Variants in ARSJ observed in about 807,000 individuals in gnomAD.
ARSJ encodes the protein arylsulfatase J.
ARSJ carries 26 observed loss-of-function variants against 35.9 expected under a neutral mutation model. The observed-to-expected ratio is 0.72, with a 90% CI of 0.53 to 1.00. The LOEUF is 1.00. Ranked by LOEUF, ARSJ falls within the 50% of genes least tolerant of loss-of-function variation. The probability of loss-of-function intolerance (pLI) is 0.00; values close to 1 mark genes in which losing one functional copy is unlikely to be tolerated. For synonymous variants in ARSJ, 294 were observed against 267.6 expected (o/e 1.10, Z -0.96); for missense variants, 667 against 723.6 (o/e 0.92, Z 0.90).
chr4:113,936,814 C>A (rs1473464644), intron 1 of ARSJ, among the ~76,000 whole-genome samples: 2 of 151,696 alleles, frequency 1.3e-5, no homozygotes, highest in East Asian at 1.9e-4. Context: ...AATAATGAAG[C>A]AAAACATTAA....
rs551780158 is a variant in ARSJ, at chr4:113,977,752, G to A, written c.398+685C>T. Among the ~76,000 whole-genome samples, 5 of 152,348 alleles carry A rather than the reference G, an allele frequency of 3.3e-5. No individual in the cohort carries two copies. In the South Asian group the frequency reaches 1.0e-3, roughly 32 times the overall value. On this transcript the variant is annotated intron_variant, in intron 1 of 1. Coordinates refer to ENST00000315366, the MANE Select transcript of ARSJ (RefSeq NM_024590.4). ...CTTTACTTAAGCATCCAAATAGTCT[G>A]ATTTCTGTTGGTTAGTCAGAAAATT...
In ARSJ at chr4:113,916,335, C is replaced by T. The variant is rs144470746; in HGVS notation, c.399-12660G>A. On this transcript the variant is annotated intron_variant, in intron 1 of 1. Transcript: ENST00000315366. Reference sequence around the variant, plus strand: ...AGGCTGTGTAACCTTGAGCATGCCGCTCAACCTGAACCTCAGTCTTTTCAT... The same window carrying T: ...AGGCTGTGTAACCTTGAGCATGCCGTTCAACCTGAACCTCAGTCTTTTCAT... Among the ~76,000 whole-genome samples, 96 of 152,248 alleles carry T rather than the reference C, an allele frequency of 6.3e-4. 1 individual carries two copies. The East Asian group carries it at 0.017, about 27-fold the overall frequency.
chr4:113,933,076 G>A (rs2149265252), intron 1 of ARSJ, among the ~76,000 whole-genome samples: 1 of 151,826 alleles, frequency 6.6e-6, no homozygotes, highest in East Asian at 1.9e-4. Context: ...GACTATTACA[G>A]ACAACTTTAT....
At chr4:113,916,273 A>C (rs927743195) in intron 1 of ARSJ, among the ~76,000 whole-genome samples, 1 of 152,142 alleles carries the variant, frequency 6.6e-6, no homozygotes, top group Admixed American at 6.6e-5. Context: ...CCACAATATC[A>C]GAAATCAGAA....
chr4:113,968,536 C>T (rs1727036332), intron 1 of ARSJ, among the ~76,000 whole-genome samples: 1 of 151,990 alleles, frequency 6.6e-6, no homozygotes, highest in Non-Finnish European at 1.5e-5. Context: ...TGATGTCTTC[C>T]CAGAGATGAA....
chr4:113,949,333 T>TAAA (rs936549022), intron 1 of ARSJ, among the ~76,000 whole-genome samples: 1 of 151,870 alleles, frequency 6.6e-6, no homozygotes, highest in East Asian at 1.9e-4. Flanking sequence ...ACTTAAAGTA[T>TAAA]AATAATAATA....
chr4:113,933,490 AG>A (rs1724584467), intron 1 of ARSJ, among the ~76,000 whole-genome samples: 1 of 151,906 alleles, frequency 6.6e-6, no homozygotes, highest in African/African-American at 2.4e-5. Flanking sequence ...CTCATTAAAA[AG>A]GTTTTCACTA....
At chr4:113,947,861 C>T (rs962943806) in intron 1 of ARSJ, among the ~76,000 whole-genome samples, 2 of 151,888 alleles carry the variant, frequency 1.3e-5, no homozygotes, top group African/African-American at 2.4e-5. Context: ...TCTTTAATTA[C>T]GGCATTTTCA....
chr4:113,959,637 T>C (rs1255793073), intron 1 of ARSJ, among the ~76,000 whole-genome samples: 1 of 152,118 alleles, frequency 6.6e-6, no homozygotes, highest in Non-Finnish European at 1.5e-5. Context: ...AATGATCATG[T>C]GTAGCATTAA....
intron 1 of ARSJ, among the ~76,000 whole-genome samples, chr4:113,954,719 G>A (rs1157784959): frequency 6.6e-6 from 1 of 151,994 alleles, no homozygotes; most frequent in Non-Finnish European, 1.5e-5. Context: ...AGCTCACACT[G>A]GGCACTTACT....
rs959603967 is a variant in ARSJ at position 113,961,915 on chromosome 4, G to C, written c.398+16522C>G. ...TCTCTCTCTGTGTGTGTGTGTGTGT[G>C]TGTGTGTGTGTGTGTGTGTGTGTGT... is the stretch of plus-strand genomic sequence containing the variant. On this transcript the variant is annotated intron_variant, in intron 1 of 1. Coordinates refer to ENST00000315366, the MANE Select transcript of ARSJ (RefSeq NM_024590.4). Among the ~76,000 whole-genome samples the C allele has an allele frequency of 2.3e-3, 306 of 135,218 alleles. 1 individual carries two copies. The highest frequency in any genetic ancestry group is 9.1e-3 in the African/African-American group (284 of 31,264). The allele number at this position is 135,218 out of a possible 152,430, so 88.7% of individuals were successfully genotyped here. A position where few individuals can be genotyped will look rare whatever the true frequency, so the allele number is the denominator to read the frequency against.
At position 113,928,124 on chromosome 4, in the gene ARSJ, C is replaced by T. The variant is rs113303802; in HGVS notation, c.399-24449G>A. On this transcript the variant is annotated intron_variant, in intron 1 of 1. Transcript: ENST00000315366. ...TTAATTACTTGACATTCATAAGCCC[C>T]TACTTTAACTGGAGGACCACAATGA... 5.7e-3 allele frequency among the ~76,000 whole-genome samples: 866 copies of T among 152,276 alleles called. 6 individuals are homozygous for T. The highest frequency in any genetic ancestry group is 0.018 in the African/African-American group (764 of 41,556).
intron 1 of ARSJ, among the ~76,000 whole-genome samples, chr4:113,967,083 A>G (rs1055056786): frequency 6.6e-6 from 1 of 152,192 alleles, no homozygotes; most frequent in Non-Finnish European, 1.5e-5. Context: ...AAATTTTATT[A>G]TGGATTATAT....
intron 1 of ARSJ, among the ~76,000 whole-genome samples, chr4:113,951,646 G>A (rs1313255395): frequency 6.6e-6 from 1 of 152,076 alleles, no homozygotes; most frequent in Non-Finnish European, 1.5e-5. Flanking sequence ...TCGTAGAAGA[G>A]GAGTTTATTT....
intron 1 of ARSJ, among the ~76,000 whole-genome samples, chr4:113,912,653 C>G (rs1722998251): frequency 6.6e-6 from 1 of 151,798 alleles, no homozygotes; most frequent in Non-Finnish European, 1.5e-5. Flanking sequence ...AGGGCAGGAA[C>G]TTTGTTCACT....
chr4:113,933,299 A>G (rs1313017995), intron 1 of ARSJ, among the ~76,000 whole-genome samples: 2 of 151,908 alleles, frequency 1.3e-5, no homozygotes, highest in Non-Finnish European at 2.9e-5. Context: ...CAATTCTACT[A>G]AAAATCTTCA....
chr4:113,952,505 G>A (rs1006858895), intron 1 of ARSJ, among the ~76,000 whole-genome samples: 1 of 151,998 alleles, frequency 6.6e-6, no homozygotes, highest in Admixed American at 6.6e-5. Context: ...TTAAAATATG[G>A]CATGTAATGT....
chr4:113,916,616 C>CG (rs910178030), intron 1 of ARSJ, among the ~76,000 whole-genome samples: 1 of 151,962 alleles, frequency 6.6e-6, no homozygotes, highest in Non-Finnish European at 1.5e-5. Flanking sequence ...GAAATCAGAA[C>CG]GAAACCAAAG....
rs562850703 is a variant in ARSJ, at chr4:113,979,592, G to C, written c.-758C>G. ...GTCCCTAGCCCCGCGGCCGGTCCGC[G>C]CGGAGCCCGCTTGGTCTTTGCGTAG... On this transcript the variant is annotated 5_prime_UTR_variant, in exon 1 of 2. Coordinates refer to ENST00000315366, the MANE Select transcript of ARSJ (RefSeq NM_024590.4). 2 of 152,420 alleles carry C rather than the reference G, an allele frequency of 1.3e-5. No individual in the cohort carries two copies. Among genetic ancestry groups the C allele is most frequent in the African/African-American group, 4.8e-5 (2 of 41,600 alleles). 9.4% of individuals were successfully genotyped at this position (152,420 alleles called of 1,614,324 possible). A position where few individuals can be genotyped will look rare whatever the true frequency, so the allele number is the denominator to read the frequency against.
Sources: allele counts gnomAD v4.1 joint callset (sites outside exome capture counted in the v4.1 genomes callset), GRCh38; gene constraint gnomAD v4.1.1; transcripts MANE v1.5; gene names NCBI Gene and HGNC (gene_info 2026-07-23, HGNC 2026-07-21).